MALRD1: variants seen among roughly 807,000 people sequenced by gnomAD.
MALRD1 encodes MAM and LDL-receptor class A domain-containing protein 1.
A neutral mutation model predicts 242.1 loss-of-function variants in MALRD1; 247 were observed. That is an observed-to-expected ratio of 1.02 (90% CI 0.92 to 1.13). MALRD1 has a LOEUF of 1.13. Ranked by LOEUF, MALRD1 falls within the 50% of genes most tolerant of loss-of-function variation. MALRD1 has a pLI of 0.00. For missense variants in MALRD1, 2,989 were observed against 2,533.1 expected (o/e 1.18, Z -3.86); for synonymous variants, 995 against 866.6 (o/e 1.15, Z -2.60).
At chr10:19,120,162 G>A (rs1302251130) in intron 5 of MALRD1, among the ~76,000 whole-genome samples, 1 of 151,874 alleles carries the variant, frequency 6.6e-6, no homozygotes, top group African/African-American at 2.4e-5. Flanking sequence ...AGAGATGGAG[G>A]GACTGAGCTT....
At chr10:19,627,320 A>C (rs1000198076) in intron 36 of MALRD1, among the ~76,000 whole-genome samples, 1 of 152,142 alleles carries the variant, frequency 6.6e-6, no homozygotes, top group Non-Finnish European at 1.5e-5. Flanking sequence ...GCAGCTGTAA[A>C]ATAAAAGATA....
At chr10:19,082,977 T>C (rs1017750585) in intron 2 of MALRD1, among the ~76,000 whole-genome samples, 1 of 152,016 alleles carries the variant, frequency 6.6e-6, no homozygotes, top group Non-Finnish European at 1.5e-5. Context: ...GACTTCCTGG[T>C]TCATAAGACA....
At chr10:19,256,966 G>A (rs1021947152) in intron 18 of MALRD1, among the ~76,000 whole-genome samples, 4 of 152,092 alleles carry the variant, frequency 2.6e-5, no homozygotes, top group African/African-American at 9.7e-5. Flanking sequence ...ATTTGCATAA[G>A]TATTAAAATA....
rs193246400 is a variant in MALRD1, at chr10:19,623,410, A to G, written c.6137+7487A>G. Among the ~76,000 whole-genome samples the G allele has an allele frequency of 2.1e-3, 317 of 152,252 alleles. 2 individuals carry two copies. Among genetic ancestry groups the G allele is most frequent in the African/African-American group, 6.3e-3 (260 of 41,576 alleles). ...AGTGTTCTCCAGAGAACCAGAACCA[A>G]TAGGATATGTATAGATATATAAGCA... On this transcript the variant is annotated intron_variant, in intron 36 of 39. Coordinates refer to ENST00000454679, the MANE Select transcript of MALRD1 (RefSeq NM_001142308.3).
At chr10:19,497,303 T>A (rs551442074) in intron 30 of MALRD1, among the ~76,000 whole-genome samples, 11 of 147,382 alleles carry the variant, frequency 7.5e-5, no homozygotes, top group African/African-American at 2.4e-4. Flanking sequence ...AAACCTATTC[T>A]ATATTATATA....
intron 28 of MALRD1, among the ~76,000 whole-genome samples, chr10:19,414,274 A>C (rs149744106): frequency 2.6e-5 from 4 of 152,330 alleles, no homozygotes; most frequent in African/African-American, 9.6e-5. Context: ...ATTCAGGTGC[A>C]ACTTAAAATT....
intron 29 of MALRD1, among the ~76,000 whole-genome samples, chr10:19,475,746 T>G (rs980660076): frequency 1.3e-5 from 2 of 152,184 alleles, no homozygotes; most frequent in African/African-American, 4.8e-5. Context: ...GCACATAAAT[T>G]GAACATTATG....
At chr10:19,285,080 C>A (rs1278473504) in intron 21 of MALRD1, among the ~76,000 whole-genome samples, 1 of 130,748 alleles carries the variant, frequency 7.6e-6, no homozygotes, top group East Asian at 2.2e-4. Flanking sequence ...ATGTCCTTCG[C>A]CCACTTTTTG....
At chr10:19,537,786 C>T (rs915119758) in intron 32 of MALRD1, among the ~76,000 whole-genome samples, 1 of 152,184 alleles carries the variant, frequency 6.6e-6, no homozygotes, top group Non-Finnish European at 1.5e-5. Context: ...TCTCCCCCTT[C>T]ATGATCTTGT....
chr10:19,516,111 G>A (rs1407338846), intron 31 of MALRD1, among the ~76,000 whole-genome samples: 1 of 152,118 alleles, frequency 6.6e-6, no homozygotes, highest in Non-Finnish European at 1.5e-5. Context: ...AGAAAAAGTT[G>A]TGCATCTGAA....
chr10:19,467,713 C>A (rs1836290916), intron 29 of MALRD1, among the ~76,000 whole-genome samples: 1 of 150,126 alleles, frequency 6.7e-6, no homozygotes, highest in Admixed American at 6.6e-5. Context: ...TGTCTAACAA[C>A]GTTTTTTCCC....
intron 32 of MALRD1, among the ~76,000 whole-genome samples, chr10:19,543,433 C>CTTTTTTTTTTTTTTTTTTTTT (rs71388849): frequency 9.4e-6 from 1 of 106,410 alleles, no homozygotes; most frequent in Non-Finnish European, 1.8e-5. Context: ...CAGCTGATTT[C>CTTTTTTTTTTTTTTTTTTTTT]TTTTTTTTTT....
At chr10:19,239,011 C>G (rs898958333) in intron 18 of MALRD1, among the ~76,000 whole-genome samples, 11 of 150,938 alleles carry the variant, frequency 7.3e-5, no homozygotes, top group Non-Finnish European at 2.9e-5. Flanking sequence ...TTCGTCTTGA[C>G]CATTTCTATA....
At chr10:19,296,980 A>G (rs958741942) in intron 21 of MALRD1, among the ~76,000 whole-genome samples, 13 of 151,638 alleles carry the variant, frequency 8.6e-5, no homozygotes, top group Non-Finnish European at 5.9e-5. Flanking sequence ...CAAATTTTTC[A>G]TATGTTGTTA....
At chr10:19,677,291 A>C (rs530775229) in intron 36 of MALRD1, among the ~76,000 whole-genome samples, 4 of 152,268 alleles carry the variant, frequency 2.6e-5, no homozygotes, top group South Asian at 4.1e-4. Context: ...AGCAGTGTAA[A>C]AGCATTCCCG....
At chr10:19,128,760 A>T (rs1436032892) in intron 8 of MALRD1, among the ~76,000 whole-genome samples, 4 of 152,134 alleles carry the variant, frequency 2.6e-5, no homozygotes, top group African/African-American at 7.2e-5. Flanking sequence ...TATAATGGTT[A>T]AAACTTACTT....
chr10:19,677,063 C>T (rs1453435755), intron 36 of MALRD1, among the ~76,000 whole-genome samples: 1 of 151,980 alleles, frequency 6.6e-6, no homozygotes, highest in Non-Finnish European at 1.5e-5. Flanking sequence ...TCTAGTCTAT[C>T]ATTGATAGGC....
chr10:19,202,883 C>T (rs1836606707), intron 14 of MALRD1, among the ~76,000 whole-genome samples: 1 of 152,038 alleles, frequency 6.6e-6, no homozygotes, highest in South Asian at 2.1e-4. Flanking sequence ...GGATTACGTT[C>T]CCACCCTACA....
intron 32 of MALRD1, among the ~76,000 whole-genome samples, chr10:19,565,629 A>T (rs535167197): frequency 3.9e-5 from 6 of 152,292 alleles, no homozygotes; most frequent in Non-Finnish European, 7.4e-5. Flanking sequence ...GTAATTACAT[A>T]AACTTGTAAA....
Sources: gnomAD v4.1 joint callset for allele counts (sites outside exome capture counted in the v4.1 genomes callset) on GRCh38, gnomAD v4.1.1 for gene constraint, MANE v1.5 for transcripts, NCBI Gene and HGNC (gene_info 2026-07-23, HGNC 2026-07-21) for gene names.